Variants in NAF1 observed in about 807,000 individuals in gnomAD.
NAF1 encodes nuclear assembly factor 1 ribonucleoprotein, also known as H/ACA ribonucleoprotein complex non-core subunit NAF1.
A neutral mutation model predicts 40.6 loss-of-function variants in NAF1; 11 were observed. That is an observed-to-expected ratio of 0.27 (90% CI 0.17 to 0.45). NAF1 has a LOEUF of 0.45. Ranked by LOEUF, NAF1 falls within the 20% of genes least tolerant of loss-of-function variation. The pLI is 1.00. For synonymous variants in NAF1, 260 were observed against 228.5 expected (o/e 1.14, Z -1.24); for missense variants, 607 against 611.1 (o/e 0.99, Z 0.07).
At chr4:163,108,809 T>C (rs1363402634), downstream of NAF1, 1 of 152,228 alleles carries the variant, frequency 6.6e-6, no homozygotes, top group Non-Finnish European at 1.5e-5. Context: ...GTGGGCCTAC[T>C]ATGTGCCAGG....
chr4:163,111,514 G>A (rs554678655), intron 2 of NAF1, among the ~76,000 whole-genome samples: 125 of 152,262 alleles, frequency 8.2e-4, no homozygotes, highest in African/African-American at 2.1e-3. Context: ...GTCCAGTGGC[G>A]CAAGTTTGGG....
In NAF1 at chr4:163,158,742, T is replaced by A. The variant is rs138690798; in HGVS notation, c.540+5475A>T. ...CCAACAATGAATATAACTTTAAGCC[T>A]ATCTTTCATGTTAATTGAGTGCATA... On this transcript the variant is annotated intron_variant, in intron 2 of 7. Coordinates refer to ENST00000274054, the MANE Select transcript of NAF1 (RefSeq NM_138386.3). 3.6e-3 allele frequency among the ~76,000 whole-genome samples: 552 copies of A among 152,272 alleles called. 4 individuals are homozygous for A. Among genetic ancestry groups the A allele is most frequent in the Non-Finnish European group, 6.3e-3 (430 of 67,950 alleles).
At chr4:163,161,200 C>T (rs1380914939) in intron 2 of NAF1, among the ~76,000 whole-genome samples, 2 of 152,078 alleles carry the variant, frequency 1.3e-5, no homozygotes, top group African/African-American at 4.8e-5. Context: ...TGTCCAGGCA[C>T]GGTGGCTCAC....
intron 2 of NAF1, among the ~76,000 whole-genome samples, chr4:163,114,744 A>G (rs1206439845): frequency 6.6e-6 from 1 of 152,146 alleles, no homozygotes; most frequent in Non-Finnish European, 1.5e-5. Context: ...CAAATGGGTG[A>G]CATTGTCTCT....
chr4:163,138,249 T>C (rs1004513221), intron 5 of NAF1, among the ~76,000 whole-genome samples: 2 of 152,166 alleles, frequency 1.3e-5, no homozygotes, highest in African/African-American at 4.8e-5. Flanking sequence ...ACATTATATA[T>C]GAGCCATTAT....
chr4:163,118,310 C>T (rs1730412938), intron 2 of NAF1, among the ~76,000 whole-genome samples: 1 of 152,148 alleles, frequency 6.6e-6, no homozygotes, highest in South Asian at 2.1e-4. Flanking sequence ...TGTAATAAAA[C>T]AGTGCTGGCC....
intron 2 of NAF1, among the ~76,000 whole-genome samples, chr4:163,114,952 T>C (rs1322639005): frequency 1.3e-5 from 2 of 152,110 alleles, no homozygotes; most frequent in Non-Finnish European, 1.5e-5. Flanking sequence ...CATAAGTTTT[T>C]CTAGAAATTT....
At chr4:163,142,091 G>A (rs1251621603) in intron 4 of NAF1, 1 of 180,772 alleles carries the variant, frequency 5.5e-6, no homozygotes, top group East Asian at 1.9e-4. Flanking sequence ...AAAATAGCAA[G>A]ACATCTGCTT....
intron 2 of NAF1, among the ~76,000 whole-genome samples, chr4:163,163,589 C>T (rs1732317969): frequency 6.6e-6 from 1 of 150,860 alleles, no homozygotes; most frequent in Non-Finnish European, 1.5e-5. Flanking sequence ...CATCATCCTC[C>T]TAAGGATGTT....
chr4:163,107,220 C>T (rs1438201376), downstream of NAF1, among the ~76,000 whole-genome samples: 2 of 152,214 alleles, frequency 1.3e-5, no homozygotes, highest in African/African-American at 4.8e-5. Flanking sequence ...CTCTGGACTT[C>T]AAGTGATCCG....
chr4:163,163,203 T>A (rs1216601993), intron 2 of NAF1, among the ~76,000 whole-genome samples: 2 of 152,152 alleles, frequency 1.3e-5, no homozygotes, highest in African/African-American at 4.8e-5. Flanking sequence ...TTAACATATC[T>A]GTAGCATGAA....
intron 2 of NAF1, among the ~76,000 whole-genome samples, chr4:163,153,093 C>T (rs1380908160): frequency 2.0e-5 from 3 of 152,236 alleles, no homozygotes; most frequent in Non-Finnish European, 4.4e-5. Flanking sequence ...CGGGGCAGGG[C>T]TCGGGACCTG....
intron 4 of NAF1, chr4:163,144,001 G>C: frequency 2.1e-6 from 2 of 974,622 alleles, no homozygotes; most frequent in Non-Finnish European, 2.4e-6. Flanking sequence ...AGAACTGAGG[G>C]GGTGGGGAAC....
chr4:163,138,298 C>T (rs975096177), intron 5 of NAF1, among the ~76,000 whole-genome samples: 1 of 152,020 alleles, frequency 6.6e-6, no homozygotes, highest in Admixed American at 6.6e-5. Flanking sequence ...AAAGCATTTC[C>T]TCAATTGTCA....
downstream of NAF1, among the ~76,000 whole-genome samples, chr4:163,107,445 C>A (rs1730066852): frequency 6.6e-6 from 1 of 152,184 alleles, no homozygotes; most frequent in South Asian, 2.1e-4. Context: ...ACTGTGCTCT[C>A]GCTGTGCAAT....
At chr4:163,127,815 T>A (rs748489445), downstream of NAF1, among the ~76,000 whole-genome samples, 3 of 152,178 alleles carry the variant, frequency 2.0e-5, no homozygotes, top group African/African-American at 2.4e-5. Flanking sequence ...GTCTCCAGAT[T>A]ACTCCAATGT....
chr4:163,112,807 T>C (rs1336088892), intron 2 of NAF1, among the ~76,000 whole-genome samples: 2 of 152,160 alleles, frequency 1.3e-5, no homozygotes, highest in Non-Finnish European at 2.9e-5. Context: ...TGAGGAGGGA[T>C]AGTGAAATCA....
chr4:163,121,290 T>G (rs930860332), intron 2 of NAF1, among the ~76,000 whole-genome samples: 5 of 152,210 alleles, frequency 3.3e-5, no homozygotes, highest in Admixed American at 6.5e-5. Flanking sequence ...GTAGTCCATT[T>G]CCATACAGGA....
chr4:163,112,623 C>T (rs1730197493), intron 2 of NAF1, among the ~76,000 whole-genome samples: 1 of 152,126 alleles, frequency 6.6e-6, no homozygotes, highest in Non-Finnish European at 1.5e-5. Context: ...ACTTAGGGCT[C>T]TCCATAAGTG....
Sources: allele counts gnomAD v4.1 joint callset (sites outside exome capture counted in the v4.1 genomes callset), GRCh38; gene constraint gnomAD v4.1.1; transcripts MANE v1.5; gene names NCBI Gene and HGNC (gene_info 2026-07-23, HGNC 2026-07-21).